The following EBF2 variants were observed in gnomAD, a reference collection of about 807,000 sequenced individuals.
The protein encoded by EBF2 is EBF transcription factor 2.
In EBF2, 21 loss-of-function variants were observed where a neutral mutation model predicts 72.8. The observed-to-expected ratio is 0.29, with a 90% CI of 0.20 to 0.42. The LOEUF (loss-of-function observed/expected upper bound fraction) is 0.42. Among genes scored for constraint, EBF2 ranks in the 10% least tolerant of loss-of-function variants. EBF2 has a pLI of 1.00. For missense variants in EBF2, 637 were observed against 731.2 expected (o/e 0.87, Z 1.49); for synonymous variants, 299 against 274.2 (o/e 1.09, Z -0.89).
intron 6 of EBF2, among the ~76,000 whole-genome samples, chr8:25,987,048 T>TA (rs11304313): frequency 3.3e-5 from 5 of 151,146 alleles, no homozygotes; most frequent in East Asian, 2.0e-4. Context: ...ACCCTGGAAT[T>TA]AAAAAAAAAA....
intron 6 of EBF2, among the ~76,000 whole-genome samples, chr8:26,028,949 A>G (rs1176334752): frequency 6.6e-6 from 1 of 152,232 alleles, no homozygotes. Context: ...AGGCTTTTGG[A>G]GAGGGGCATA....
chr8:25,989,871 A>T (rs1329373129), intron 6 of EBF2, among the ~76,000 whole-genome samples: 1 of 152,194 alleles, frequency 6.6e-6, no homozygotes, highest in Non-Finnish European at 1.5e-5. Context: ...CTCACCAGGA[A>T]GCCTTACACT....
At chr8:25,867,891 G>GA (rs1438652024) in intron 10 of EBF2, among the ~76,000 whole-genome samples, 15 of 151,928 alleles carry the variant, frequency 9.9e-5, no homozygotes, top group Middle Eastern at 3.2e-3. Context: ...ATTTTTTCTA[G>GA]AAAAAATCAT....
chr8:25,988,686 C>T (rs1386567603), intron 6 of EBF2, among the ~76,000 whole-genome samples: 2 of 152,170 alleles, frequency 1.3e-5, no homozygotes, highest in Non-Finnish European at 2.9e-5. Context: ...ATAAGGGTAA[C>T]ATTTTACATT....
chr8:26,000,714 A>G (rs111287808), intron 6 of EBF2, among the ~76,000 whole-genome samples: 1 of 152,344 alleles, frequency 6.6e-6, no homozygotes, highest in Non-Finnish European at 1.5e-5. Flanking sequence ...AAGCAAACTA[A>G]TCTTGAGCCT....
At chr8:25,908,662 G>A (rs539793379) in intron 6 of EBF2, 107 bp from the exon 7 acceptor site, 2 of 797,422 alleles carry the variant, frequency 2.5e-6, no homozygotes, top group Middle Eastern at 2.5e-4. Context: ...TTTCAGATCT[G>A]GGGAATTTCA....
chr8:26,041,830 G>A (rs1386568756), intron 2 of EBF2, among the ~76,000 whole-genome samples: 3 of 152,182 alleles, frequency 2.0e-5, no homozygotes, highest in Non-Finnish European at 4.4e-5. Flanking sequence ...CGTTTGCTCC[G>A]CCGTCAGTCC....
intron 14 of EBF2, among the ~76,000 whole-genome samples, chr8:25,855,526 T>A (rs1346119581): frequency 6.6e-6 from 1 of 152,186 alleles, no homozygotes; most frequent in Non-Finnish European, 1.5e-5. Context: ...CTTTCTTACT[T>A]AGTGTCTCTG....
At chr8:25,944,171 C>A (rs1803726611) in intron 6 of EBF2, among the ~76,000 whole-genome samples, 1 of 152,212 alleles carries the variant, frequency 6.6e-6, no homozygotes, top group South Asian at 2.1e-4. Context: ...GGCAGGGTTC[C>A]AGCTCTGGAA....
intron 6 of EBF2, among the ~76,000 whole-genome samples, chr8:25,938,536 C>T (rs190672395): frequency 2.0e-5 from 3 of 152,138 alleles, no homozygotes; most frequent in East Asian, 1.9e-4. Flanking sequence ...CTGAAACAAT[C>T]GTGACTTTGA....
At position 26,008,777 on chromosome 8, in the gene EBF2, TAC is replaced by T. The variant is rs568463200; in HGVS notation, c.551+24306_551+24307del. ...GGAAAAAAGTTACTCTGCATAGAAA[TAC>T]ATAGTTAACTGTCCATGCCTAGAAT... On this transcript the variant is annotated intron_variant, in intron 6 of 15. Transcript: ENST00000520164. Among the ~76,000 whole-genome samples, 13 of 143,098 alleles carry T rather than the reference TAC, an allele frequency of 9.1e-5. No individual in the cohort carries two copies. In the East Asian group the frequency reaches 2.3e-3, roughly 25 times the overall value. The allele number at this position is 143,098 out of a possible 152,430, so 93.9% of individuals were successfully genotyped here. A position where few individuals can be genotyped will look rare whatever the true frequency, so the allele number is the denominator to read the frequency against.
intron 6 of EBF2, among the ~76,000 whole-genome samples, chr8:25,935,625 C>A (rs970211623): frequency 1.3e-5 from 2 of 152,164 alleles, no homozygotes; most frequent in Admixed American, 6.5e-5. Context: ...ACATGTCACC[C>A]GGCCCTATCA....
chr8:25,911,379 A>C (rs893696674), intron 6 of EBF2, among the ~76,000 whole-genome samples: 9 of 152,218 alleles, frequency 5.9e-5, no homozygotes, highest in African/African-American at 1.9e-4. Context: ...AAGAGCGAAC[A>C]CTAACAATCA....
At chr8:26,019,076 C>T (rs1463287936) in intron 6 of EBF2, among the ~76,000 whole-genome samples, 1 of 152,120 alleles carries the variant, frequency 6.6e-6, no homozygotes, top group African/African-American at 2.4e-5. Flanking sequence ...TTTATTTACT[C>T]CCTGGGTCAG....
At chr8:25,992,278 G>A (rs1163493413) in intron 6 of EBF2, among the ~76,000 whole-genome samples, 2 of 133,788 alleles carry the variant, frequency 1.5e-5, no homozygotes, top group East Asian at 2.3e-4. Context: ...AGGTTACAAT[G>A]AGCCACGATC....
At chr8:25,900,571 C>T (rs985429476) in intron 7 of EBF2, among the ~76,000 whole-genome samples, 5 of 152,080 alleles carry the variant, frequency 3.3e-5, no homozygotes, top group African/African-American at 1.2e-4. Flanking sequence ...CCTAGCATGA[C>T]TCTGTAAATT....
intron 7 of EBF2, among the ~76,000 whole-genome samples, chr8:25,894,817 A>G (rs1802840443): frequency 6.6e-6 from 1 of 152,214 alleles, no homozygotes; most frequent in Non-Finnish European, 1.5e-5. Context: ...CCTAAGATCA[A>G]CTGATCTGCT....
chr8:26,027,578 A>C (rs1364155157), intron 6 of EBF2, among the ~76,000 whole-genome samples: 1 of 24 alleles, frequency 0.042, no homozygotes, highest in African/African-American at 0.12. Context: ...TTTAAAAATG[A>C]AAATGTAATT....
chr8:25,887,964 A>G lies in EBF2; in HGVS notation c.760T>C (p.Cys254Arg). Reference protein sequence around the residue: ...RRLDPSEATPCIKAISPSEGW... With the variant: ...RRLDPSEATPRIKAISPSEGW... ...TCACTCGGGCTAATGGCTTTGATGC[A>G]GGGGGTAGCTAAGAAGACAGGAAAG... Residue 254 changes from cysteine (C) to arginine (R), a missense_variant, in exon 9 of 16, where the codon TGC becomes CGC. This residue lies in a region of EBF2 where 204 missense variants were observed against 301.2 expected (regional missense o/e 0.68). Transcript: ENST00000520164. 6.2e-7 allele frequency: 1 copy of G among 1,609,762 alleles called. No homozygotes were observed. Among genetic ancestry groups the G allele is most frequent in the Non-Finnish European group, 8.5e-7 (1 of 1,178,516 alleles).
Sources: allele counts gnomAD v4.1 joint callset (sites outside exome capture counted in the v4.1 genomes callset), GRCh38; gene constraint gnomAD v4.1.1; regional missense constraint gnomAD v4.1.1; transcripts MANE v1.5; gene names NCBI Gene and HGNC (gene_info 2026-07-23, HGNC 2026-07-21).